ZBTB24: variants seen among roughly 807,000 people sequenced by gnomAD.
ZBTB24 encodes the protein zinc finger and BTB domain containing 24.
Under a neutral mutation model 53.8 loss-of-function variants are expected in ZBTB24, and 32 were observed. The observed-to-expected ratio is 0.60, with a 90% CI of 0.45 to 0.80. The LOEUF (loss-of-function observed/expected upper bound fraction) is 0.80, where lower values mean the gene tolerates loss of function less well. Among genes scored for constraint, ZBTB24 ranks in the 30% least tolerant of loss-of-function variants. ZBTB24 has a pLI of 0.00. For synonymous variants in ZBTB24, 297 were observed against 306.7 expected, an observed-to-expected ratio of 0.97 and a Z score of 0.33; for missense variants, 722 against 837.1, an observed-to-expected ratio of 0.86 and a Z score of 1.70.
chr6:109,472,669 T>G (rs1308471849), intron 5 of ZBTB24, among the ~76,000 whole-genome samples: 1 of 152,188 alleles, frequency 6.6e-6, no homozygotes, highest in African/African-American at 2.4e-5. Flanking sequence ...GAGCTCTGGC[T>G]GCATCTCTCC....
intron 4 of ZBTB24, 133 bp downstream of exon 4, chr6:109,476,040 CTT>C: frequency 1.1e-6 from 1 of 901,064 alleles, no homozygotes; most frequent in Non-Finnish European, 1.7e-6. Flanking sequence ...AATTTAGACT[CTT>C]AAGGCACTTT....
rs1233618260 is a variant in ZBTB24, at chr6:109,473,995, A to G, written c.1288+1404T>C. Among the ~76,000 whole-genome samples the G allele has an allele frequency of 2.0e-5, 3 of 151,458 alleles. No individual in the cohort carries two copies. In the East Asian group the frequency reaches 5.9e-4, roughly 30 times the overall value. ...TTCCAGCTACTCGGGAGGATGAAGC[A>G]GGAGAATTGCTTGAACCCAGCAGGC... is the stretch of plus-strand genomic sequence containing the variant. On this transcript the variant is annotated intron_variant, in intron 5 of 6. Transcript: ENST00000230122.
Position 109,466,280 on chromosome 6 carries a change from G to A in ZBTB24, c.1665C>T (p.Leu555=), listed in dbSNP as rs546872315. 7 of 1,614,194 alleles carry A rather than the reference G, an allele frequency of 4.3e-6. No individual in the cohort carries two copies. The Admixed American group carries it at 5.0e-5, about 12-fold the overall frequency. ...TGATGTTATGTACAGAATCGGTTAC[G>A]AGAAGCTGAATTTCCTGCTCTCCCG... The part of the protein sequence containing the change: ...STSGEQEIQL[L]VTDSVHNINF... The change falls in exon 7 of 7, where the codon CTC becomes CTT. Residue 555 remains leucine, a synonymous_variant. Transcript: ENST00000230122.
At chr6:109,470,756 T>C (rs1325735348) in intron 5 of ZBTB24, among the ~76,000 whole-genome samples, 3 of 152,246 alleles carry the variant, frequency 2.0e-5, no homozygotes, top group Non-Finnish European at 4.4e-5. Flanking sequence ...ATACAAAGAA[T>C]ATTAAAACTG....
chr6:109,475,505 T>G (rs1776260928), intron 4 of ZBTB24, 23 bp from the exon 5 acceptor site: 5 of 1,613,298 alleles, frequency 3.1e-6, no homozygotes, highest in Non-Finnish European at 4.2e-6. Context: ...ATAAAAAAAG[T>G]GTCAGTGCAT....
At chr6:109,476,460 G>C (rs994339323) in intron 3 of ZBTB24, among the ~76,000 whole-genome samples, 2 of 152,234 alleles carry the variant, frequency 1.3e-5, no homozygotes, top group Admixed American at 1.3e-4. Context: ...GAGTACTGGA[G>C]ACTGGGGTAG....
chr6:109,469,088 G>A (rs562568234), intron 5 of ZBTB24, among the ~76,000 whole-genome samples: 2 of 152,286 alleles, frequency 1.3e-5, no homozygotes, highest in African/African-American at 4.8e-5. Flanking sequence ...AAGCTCCATC[G>A]AGGCAGAGGA....
Position 109,482,001 on chromosome 6 carries a change from G to T in ZBTB24, c.26C>A (p.Ser9Tyr). Residue 9 changes from serine (S) to tyrosine (Y), a missense_variant, in exon 2 of 7, where the codon TCT becomes TAT. Coordinates refer to ENST00000230122, the MANE Select transcript of ZBTB24 (RefSeq NM_014797.3). ...GTCTGAGTGTACAACAAGCTGCCCA[G>T]AAGGCTCTGGCGATGTTTCTGCCAT... Reference protein sequence around the residue: MAETSPEPSGQLVVHSDAH... With the variant: MAETSPEPYGQLVVHSDAH... The T allele has an allele frequency of 6.2e-7, 1 of 1,614,208 alleles. No homozygotes were observed. Among genetic ancestry groups the T allele is most frequent in the African/African-American group, 1.3e-5 (1 of 75,060 alleles).
chr6:109,481,377 T>A lies in ZBTB24; in HGVS notation c.650A>T (p.Glu217Val). 6.2e-7 allele frequency: 1 copy of A among 1,614,190 alleles called. No individual in the cohort carries two copies. Among genetic ancestry groups the A allele is most frequent in the Non-Finnish European group, 8.5e-7 (1 of 1,180,042 alleles). Reference protein sequence around the residue: ...LNEQIAAKEKEESEPTCEPSR... With the variant: ...LNEQIAAKEKVESEPTCEPSR... The stretch of plus-strand genomic sequence containing the variant: ...TGGCTCACAAGTAGGCTCCGATTCT[T>A]CCTTTTCTTTTGCTGCAATTTGCTC... The change falls in exon 2 of 7, where the codon GAA becomes GTA. Residue 217 changes from glutamate (E) to valine (V), a missense_variant. Transcript: ENST00000230122.
Position 109,476,214 on chromosome 6 carries a change from G to T in ZBTB24, c.1165C>A (p.Gln389Lys). The part of the protein sequence containing the change: ...TCDQCGKYFS[Q>K]NRQLKSHYRV... ...TAATGGCTCTTTAGCTGTCTGTTCT[G>T]GCTGAAATATTTTCCGCATTGATCA... is the stretch of plus-strand genomic sequence containing the variant. The change falls in exon 4 of 7, where the codon CAG (glutamine) becomes AAG (lysine). Residue 389 changes from glutamine to lysine, a missense_variant. By Grantham distance (53) the Gln-to-Lys change is moderately conservative. Transcript: ENST00000230122. The T allele has an allele frequency of 6.2e-7, 1 of 1,613,864 alleles. No homozygotes were observed. Among genetic ancestry groups the T allele is most frequent in the Non-Finnish European group, 8.5e-7 (1 of 1,179,986 alleles).
chr6:109,466,267 C>A lies in ZBTB24; in HGVS notation c.1678G>T (p.Val560Leu), dbSNP rs371855790. The change falls in exon 7 of 7, where the codon GTA (valine) becomes TTA (leucine). Residue 560 changes from valine to leucine, a missense_variant. Coordinates refer to ENST00000230122, the MANE Select transcript of ZBTB24 (RefSeq NM_014797.3). ...QEIQLLVTDSVHNINFMPGPS... is the reference protein window; with the variant it reads ...QEIQLLVTDSLHNINFMPGPS... Reference sequence around the variant, plus strand: ...CCGGGCATGAAATTGATGTTATGTACAGAATCGGTTACGAGAAGCTGAATT... The same window carrying A: ...CCGGGCATGAAATTGATGTTATGTAAAGAATCGGTTACGAGAAGCTGAATT... 2 of 1,614,064 alleles carry A rather than the reference C, an allele frequency of 1.2e-6. No homozygotes were observed. Among genetic ancestry groups the A allele is most frequent in the Admixed American group, 1.7e-5 (1 of 59,992 alleles).
At chr6:109,480,593 CA>C (rs1467614110) in intron 2 of ZBTB24, among the ~76,000 whole-genome samples, 2 of 151,894 alleles carry the variant, frequency 1.3e-5, no homozygotes, top group Non-Finnish European at 2.9e-5. Flanking sequence ...AGCTGAGTTA[CA>C]AAGTGATCTA....
rs1461241352 is a variant in ZBTB24, at chr6:109,466,426, C to T, written c.1519G>A (p.Ala507Thr). ...TCCTTGCTATGAATTTTCAAGTGAG[C>T]CTTCAAGTTGTCTAAGCGAGCAAAC... ...LQFARLDNLKAHLKIHSKEKH... is the reference protein window; with the variant it reads ...LQFARLDNLKTHLKIHSKEKH... The change falls in exon 7 of 7, where the codon GCT becomes ACT. Residue 507 changes from alanine to threonine, a missense_variant. Physicochemically the swap from Ala to Thr is moderately conservative, Grantham distance 58. Coordinates refer to ENST00000230122, the MANE Select transcript of ZBTB24 (RefSeq NM_014797.3). The T allele has an allele frequency of 6.2e-7, 1 of 1,614,132 alleles. No individual in the cohort carries two copies. Among genetic ancestry groups the T allele is most frequent in the Non-Finnish European group, 8.5e-7 (1 of 1,180,034 alleles).
chr6:109,469,817 A>C (rs1416645893), intron 5 of ZBTB24, among the ~76,000 whole-genome samples: 1 of 152,198 alleles, frequency 6.6e-6, no homozygotes, highest in Non-Finnish European at 1.5e-5. Context: ...GACTGGAAAG[A>C]AGCCTGGGCC....
chr6:109,482,920 G>C (rs1225825889), intron 1 of ZBTB24, among the ~76,000 whole-genome samples, 178 bp downstream of exon 1: 1 of 152,240 alleles, frequency 6.6e-6, no homozygotes, highest in Non-Finnish European at 1.5e-5. Context: ...ACTAGGGGCG[G>C]CGCGGAGCCC....
In ZBTB24 at chr6:109,478,462, C is replaced by T. The variant is rs145438254; in HGVS notation, c.953-1532G>A. On this transcript the variant is annotated intron_variant, in intron 2 of 6. Transcript: ENST00000230122. The stretch of plus-strand genomic sequence containing the variant: ...CTTCCTCTCCAATTCATCTGCATCT[C>T]ATTATTGGGCCACGAGAAATAGCAG... Among the ~76,000 whole-genome samples, 459 of 152,282 alleles carry T rather than the reference C, an allele frequency of 3.0e-3. 2 individuals carry two copies. Among genetic ancestry groups the T allele is most frequent in the African/African-American group, 0.01 (430 of 41,568 alleles).
At chr6:109,469,535 G>A (rs570936195) in intron 5 of ZBTB24, among the ~76,000 whole-genome samples, 5 of 152,270 alleles carry the variant, frequency 3.3e-5, no homozygotes, top group African/African-American at 9.6e-5. Context: ...GGGTCTTCCC[G>A]CTTAGTGGTT....
chr6:109,481,115 C>T lies in ZBTB24; in HGVS notation c.912G>A (p.Lys304=). Residue 304 remains lysine (K), a synonymous_variant, in exon 2 of 7, where the codon AAG becomes AAA. Coordinates refer to ENST00000230122, the MANE Select transcript of ZBTB24 (RefSeq NM_014797.3). The part of the protein sequence containing the change: ...ARCKDCGKVF[K]YNHFLAIHQR... ...GGTGGATTGCTAAAAAGTGATTGTA[C>T]TTAAAGACCTTGCCACAGTCTTTAC... 5 of 1,614,218 alleles carry T rather than the reference C, an allele frequency of 3.1e-6. No homozygotes were observed. Among genetic ancestry groups the T allele is most frequent in the Non-Finnish European group, 4.2e-6 (5 of 1,180,044 alleles).
At position 109,463,607 on chromosome 6, in the gene ZBTB24, G is replaced by A. The variant is rs1204694657; in HGVS notation, c.*2244C>T. The A allele has an allele frequency of 6.6e-6, 1 of 152,098 alleles. No individual in the cohort carries two copies. The highest frequency in any genetic ancestry group is 1.5e-5 in the Non-Finnish European group (1 of 68,022). The allele number at this position is 152,098 out of a possible 1,614,324, so 9.4% of individuals were successfully genotyped here. A position where few individuals can be genotyped will look rare whatever the true frequency, so the allele number is the denominator to read the frequency against. On this transcript the variant is annotated 3_prime_UTR_variant, in exon 7 of 7. Transcript: ENST00000230122. ...AACTTTTGTCTTAGCTACTTGATAT[G>A]AGAATCTGTTTTCAACTGTAAGTTG...
Sources: gnomAD v4.1 joint callset for allele counts (sites outside exome capture counted in the v4.1 genomes callset) on GRCh38, gnomAD v4.1.1 for gene constraint, MANE v1.5 for transcripts, NCBI Gene and HGNC (gene_info 2026-07-23, HGNC 2026-07-21) for gene names.